ASNS: variants seen among roughly 807,000 people sequenced by gnomAD.
The protein encoded by ASNS is asparagine synthetase [glutamine-hydrolyzing].
In ASNS, 37 loss-of-function variants were observed where a neutral mutation model predicts 62.6. That is an observed-to-expected ratio of 0.59 (90% CI 0.45 to 0.78). The LOEUF (loss-of-function observed/expected upper bound fraction) is 0.78, where lower values mean the gene tolerates loss of function less well. Among genes scored for constraint, ASNS ranks in the 30% least tolerant of loss-of-function variants. ASNS has a pLI of 0.00. For synonymous variants in ASNS, 207 were observed against 237.9 expected (o/e 0.87, Z 1.19); for missense variants, 520 against 682.4 (o/e 0.76, Z 2.65).
the ASNS span, chr7:97,898,428 C>G: frequency 1.9e-6 from 1 of 519,262 alleles, no homozygotes; most frequent in East Asian, 4.7e-5. Flanking sequence ...TCCAGAACTA[C>G]TACCTTCACC....
chr7:97,907,126 T>C, the ASNS span, among the ~76,000 whole-genome samples: 1 of 152,224 alleles, frequency 6.6e-6, no homozygotes, highest in Non-Finnish European at 1.5e-5. Context: ...CATGTCTTGC[T>C]TCTACTCTCT....
chr7:97,857,347 C>T (rs761167353), intron 7 of ASNS, among the ~76,000 whole-genome samples: 1 of 152,160 alleles, frequency 6.6e-6, no homozygotes, highest in Non-Finnish European at 1.5e-5. Context: ...AGGTCTCCCG[C>T]TCACTGAATA....
the ASNS span, among the ~76,000 whole-genome samples, chr7:97,911,421 T>G: frequency 1.3e-5 from 2 of 151,408 alleles, no homozygotes; most frequent in South Asian, 2.1e-4. Context: ...GATGGAGGAC[T>G]GCTTGAGCCC....
the ASNS span, among the ~76,000 whole-genome samples, chr7:97,883,814 C>T: frequency 6.6e-6 from 1 of 151,966 alleles, no homozygotes; most frequent in Admixed American, 6.6e-5. Context: ...GTTGAAACCC[C>T]GTCTCTACTA....
At chr7:97,909,745 G>A in the ASNS span, among the ~76,000 whole-genome samples, 3 of 152,190 alleles carry the variant, frequency 2.0e-5, no homozygotes, top group East Asian at 1.9e-4. Context: ...CCCCCAAAAC[G>A]CTTTTGGCAG....
At chr7:97,854,452 G>T (rs1005190544) in intron 10 of ASNS, 128 bp downstream of exon 10, 2 of 1,134,836 alleles carry the variant, frequency 1.8e-6, no homozygotes, top group African/African-American at 3.1e-5. Context: ...GTAACATATA[G>T]CCAACTATAT....
At chr7:97,876,109 G>A (rs78852412), upstream of ASNS, among the ~76,000 whole-genome samples, 1 of 152,100 alleles carries the variant, frequency 6.6e-6, no homozygotes, top group Non-Finnish European at 1.5e-5. Flanking sequence ...CACCTGCCTC[G>A]GCCTCCCAAA....
upstream of ASNS, among the ~76,000 whole-genome samples, chr7:97,876,500 T>C: frequency 6.7e-6 from 1 of 150,242 alleles, no homozygotes; most frequent in East Asian, 2.0e-4. Flanking sequence ...CAATCTCGGC[T>C]CACTGCAACC....
At chr7:97,910,486 T>C in the ASNS span, among the ~76,000 whole-genome samples, 1 of 152,062 alleles carries the variant, frequency 6.6e-6, no homozygotes, top group Non-Finnish European at 1.5e-5. Flanking sequence ...GAGCCAGCCC[T>C]GGGAATGTTT....
rs898702758 is a variant in ASNS at position 97,856,583 on chromosome 7, T to C, written c.1030+107A>G. The C allele has an allele frequency of 8.7e-6, 9 of 1,034,778 alleles. No individual in the cohort carries two copies. In the Admixed American group the frequency reaches 8.8e-5, roughly 10 times the overall value. The allele number at this position is 1,034,778 out of a possible 1,614,324, so 64.1% of individuals were successfully genotyped here. ...AACATAGGGATTTAATTTGCATTCA[T>C]CCTTAAATAACATTTTAAAACTATG... is the stretch of plus-strand genomic sequence containing the variant. On this transcript the variant is annotated intron_variant, in intron 8 of 12. Transcript: ENST00000394308.
chr7:97,920,370 C>A, the ASNS span, among the ~76,000 whole-genome samples: 1 of 151,984 alleles, frequency 6.6e-6, no homozygotes, highest in Non-Finnish European at 1.5e-5. Flanking sequence ...CCCGTCCTGC[C>A]CCCCTCCAGA....
chr7:97,856,078 T>G (rs1791425636), intron 8 of ASNS, among the ~76,000 whole-genome samples: 1 of 152,200 alleles, frequency 6.6e-6, no homozygotes, highest in South Asian at 2.1e-4. Context: ...ATCCTGTCTA[T>G]CTGCTTATTT....
chr7:97,858,501 G>A, intron 6 of ASNS, 96 bp from the exon 7 acceptor site: 1 of 1,459,484 alleles, frequency 6.9e-7, no homozygotes, highest in South Asian at 1.3e-5. Flanking sequence ...CAAGATCATA[G>A]TTTTACTATT....
chr7:97,868,800 T>TA (rs1378596028), intron 3 of ASNS, 108 bp downstream of exon 3: 1 of 1,481,282 alleles, frequency 6.8e-7, no homozygotes, highest in Non-Finnish European at 9.1e-7. Context: ...ATAACGAACA[T>TA]AGAGTGCTTT....
chr7:97,908,847 G>A, the ASNS span: 1 of 151,860 alleles, frequency 6.6e-6, no homozygotes, highest in Non-Finnish European at 1.5e-5. Flanking sequence ...TCATTTTGTG[G>A]CTCCAGCCCC....
At chr7:97,880,366 C>T in the ASNS span, among the ~76,000 whole-genome samples, 21 of 152,224 alleles carry the variant, frequency 1.4e-4, no homozygotes, top group African/African-American at 4.8e-4. Flanking sequence ...TCAAGTGATT[C>T]GCCTACCTCG....
Position 97,855,453 on chromosome 7 carries a change from T to C in ASNS, c.1037A>G (p.Tyr346Cys), listed in dbSNP as rs762555050. The C allele has an allele frequency of 6.2e-7, 1 of 1,605,346 alleles. No individual in the cohort carries two copies. Among genetic ancestry groups the C allele is most frequent in the Non-Finnish European group, 8.5e-7 (1 of 1,174,710 alleles). Residue 346 changes from tyrosine to cysteine, a missense_variant, in exon 9 of 13, where the codon TAT (tyrosine) becomes TGT (cysteine). Tyr to Cys is a radical substitution (Grantham distance 194). Transcript: ENST00000394308. ...ITTVRASVGM[Y>C]LISKYIRKNT... ...CTTCCGAATATACTTGGAAATTAAATACATACCTTAAATGAGAGAGAGAAA... is the reference window on the plus strand; with the variant it reads ...CTTCCGAATATACTTGGAAATTAAACACATACCTTAAATGAGAGAGAGAAA...
upstream of ASNS, among the ~76,000 whole-genome samples, chr7:97,874,779 A>G (rs558703256): frequency 2.4e-4 from 36 of 152,396 alleles, no homozygotes; most frequent in East Asian, 6.7e-3. Flanking sequence ...GATGAGCTTA[A>G]ATACTTTGTG....
chr7:97,910,122 A>G, the ASNS span, among the ~76,000 whole-genome samples: 22 of 152,132 alleles, frequency 1.4e-4, no homozygotes, highest in Admixed American at 1.2e-3. Flanking sequence ...CTAGTTCCCA[A>G]CCCAGCTCCC....
Sources: gnomAD v4.1 joint callset for allele counts (sites outside exome capture counted in the v4.1 genomes callset) on GRCh38, gnomAD v4.1.1 for gene constraint, MANE v1.5 for transcripts, NCBI Gene and HGNC (gene_info 2026-07-23, HGNC 2026-07-21) for gene names.